Variants in DOCK8 observed in about 807,000 individuals in gnomAD.
DOCK8 encodes the protein dedicator of cytokinesis protein 8.
Under a neutral mutation model 245.6 loss-of-function variants are expected in DOCK8, and 141 were observed. The ratio of observed to expected loss-of-function variants is 0.57; its 90% CI spans 0.50 to 0.66. DOCK8 has a LOEUF of 0.66. DOCK8 is among the 30% of genes least tolerant of loss of function. DOCK8 has a pLI of 0.00. For synonymous variants in DOCK8, 1,168 were observed against 970.2 expected (o/e 1.20, Z -3.79); for missense variants, 2,965 against 2,603.4 (o/e 1.14, Z -3.02).
chr9:401,004 TTAGCTC>T (rs2055057378), intron 26 of DOCK8, among the ~76,000 whole-genome samples: 4 of 55,714 alleles, frequency 7.2e-5, no homozygotes, highest in Non-Finnish European at 3.8e-5. Flanking sequence ...ACCACCACCA[TTAGCTC>T]CACCATGACC....
intron 14 of DOCK8, among the ~76,000 whole-genome samples, chr9:347,222 T>C (rs2051933736): frequency 6.6e-6 from 1 of 152,050 alleles, no homozygotes; most frequent in South Asian, 2.1e-4. Context: ...AAATGCTCCA[T>C]ACCGGGCACA....
chr9:417,138 T>TA (rs1367801032), intron 29 of DOCK8, among the ~76,000 whole-genome samples: 1 of 152,076 alleles, frequency 6.6e-6, no homozygotes, highest in Non-Finnish European at 1.5e-5. Context: ...CCACTAAAAA[T>TA]ACAAAAGTTA....
intron 26 of DOCK8, among the ~76,000 whole-genome samples, chr9:400,438 T>A (rs1342672240): frequency 7.3e-5 from 1 of 13,688 alleles, no homozygotes; most frequent in Non-Finnish European, 1.6e-4. Flanking sequence ...CACCACCACC[T>A]CCACCACCAC....
intron 1 of DOCK8, among the ~76,000 whole-genome samples, chr9:221,411 G>T (rs1369802913): frequency 2.6e-5 from 4 of 152,140 alleles, no homozygotes; most frequent in African/African-American, 9.7e-5. Context: ...TACTGAACAT[G>T]TACAGACTTT....
intron 9 of DOCK8, 31 bp from the exon 10 acceptor site, chr9:332,367 T>C: frequency 6.8e-7 from 1 of 1,468,008 alleles, no homozygotes; most frequent in Non-Finnish European, 9.5e-7. Flanking sequence ...GTAATTTATG[T>C]GCCTTATTTT....
intron 1 of DOCK8, among the ~76,000 whole-genome samples, chr9:236,165 C>T (rs777236858): frequency 2.0e-5 from 3 of 152,156 alleles, no homozygotes; most frequent in Admixed American, 6.5e-5. Flanking sequence ...TGTGTCCCAC[C>T]AACCTTAGTG....
At chr9:281,770 A>C (rs986131442) in intron 2 of DOCK8, among the ~76,000 whole-genome samples, 4 of 152,328 alleles carry the variant, frequency 2.6e-5, no homozygotes, top group African/African-American at 9.6e-5. Context: ...TTGCAAGAGG[A>C]ACAACTGCTA....
intron 42 of DOCK8, 127 bp from the exon 43 acceptor site, chr9:443,300 G>A (rs759852095): frequency 1.4e-4 from 125 of 904,750 alleles, no homozygotes; most frequent in Non-Finnish European, 2.1e-4. Context: ...TAGCTCAGAG[G>A]AACTCTCAAT....
At chr9:309,501 T>C (rs151025072) in intron 5 of DOCK8, among the ~76,000 whole-genome samples, 249 of 152,330 alleles carry the variant, frequency 1.6e-3, no homozygotes, top group African/African-American at 5.8e-3. Context: ...CTACAACATA[T>C]AGTTGATTAC....
intron 1 of DOCK8, among the ~76,000 whole-genome samples, chr9:230,945 C>A (rs2131372314): frequency 6.6e-6 from 1 of 152,014 alleles, no homozygotes; most frequent in African/African-American, 2.4e-5. Flanking sequence ...GTTGCCATTG[C>A]TTTTGGTGTT....
chr9:362,576 C>G (rs188169241), intron 14 of DOCK8, among the ~76,000 whole-genome samples: 2 of 152,176 alleles, frequency 1.3e-5, no homozygotes, highest in Non-Finnish European at 2.9e-5. Flanking sequence ...CTCCTCTTGT[C>G]GAGCTGCTCC....
At chr9:283,886 A>G (rs1171439563) in intron 2 of DOCK8, among the ~76,000 whole-genome samples, 1 of 152,210 alleles carries the variant, frequency 6.6e-6, no homozygotes, top group Non-Finnish European at 1.5e-5. Flanking sequence ...TTGTATATGT[A>G]AATATGACAT....
intron 1 of DOCK8, among the ~76,000 whole-genome samples, chr9:263,639 G>C (rs1244726439): frequency 6.6e-6 from 1 of 152,070 alleles, no homozygotes; most frequent in Non-Finnish European, 1.5e-5. Context: ...GTATGGCTCT[G>C]CTGGTGATAA....
At chr9:246,780 T>G (rs148759866) in intron 1 of DOCK8, among the ~76,000 whole-genome samples, 1 of 152,244 alleles carries the variant, frequency 6.6e-6, no homozygotes, top group East Asian at 1.9e-4. Flanking sequence ...AAGCTTTTAT[T>G]TATTTATTTA....
At chr9:463,914 G>A (rs1054785496) in intron 47 of DOCK8, among the ~76,000 whole-genome samples, 4 of 152,174 alleles carry the variant, frequency 2.6e-5, no homozygotes, top group African/African-American at 9.7e-5. Context: ...TCTTGTGCCA[G>A]GGTATTCCCA....
chr9:347,973 A>G (rs1246718539), intron 14 of DOCK8, among the ~76,000 whole-genome samples: 1 of 152,236 alleles, frequency 6.6e-6, no homozygotes, highest in African/African-American at 2.4e-5. Flanking sequence ...TTATGAAAGT[A>G]GGACACATAT....
intron 1 of DOCK8, among the ~76,000 whole-genome samples, chr9:262,900 C>T (rs1027187209): frequency 2.0e-5 from 3 of 151,966 alleles, no homozygotes; most frequent in African/African-American, 7.2e-5. Flanking sequence ...AGAATTTAAT[C>T]TGTTTACATT....
At chr9:378,549 A>C (rs370320714) in intron 20 of DOCK8, among the ~76,000 whole-genome samples, 4 of 152,338 alleles carry the variant, frequency 2.6e-5, no homozygotes, top group African/African-American at 9.6e-5. Context: ...TCCATGTAGC[A>C]GTTGCCTCTC....
intron 35 of DOCK8, 98 bp from the exon 36 acceptor site, chr9:429,604 C>A (rs184695071): frequency 7.2e-5 from 104 of 1,447,992 alleles, no homozygotes; most frequent in Admixed American, 4.9e-4. Context: ...CTCTTCTAGG[C>A]TTTTTGCTTG....
Sources: allele counts gnomAD v4.1 joint callset (sites outside exome capture counted in the v4.1 genomes callset), GRCh38; gene constraint gnomAD v4.1.1; transcripts MANE v1.5; gene names NCBI Gene and HGNC (gene_info 2026-07-23, HGNC 2026-07-21).